The following MYMK variants were observed in gnomAD, a reference collection of about 807,000 sequenced individuals.
The protein encoded by MYMK is protein myomaker.
In MYMK, 16 loss-of-function variants were observed where a neutral mutation model predicts 22.4. The ratio of observed to expected loss-of-function variants is 0.72; its 90% CI spans 0.48 to 1.09. MYMK has a LOEUF of 1.09. MYMK is among the 50% of genes least tolerant of loss of function. The pLI is 0.00. For missense variants in MYMK, 250 were observed against 295.6 expected, an observed-to-expected ratio of 0.85 and a Z score of 1.13; for synonymous variants, 125 against 127.0, an observed-to-expected ratio of 0.98 and a Z score of 0.11.
At position 133,524,834 on chromosome 9, in the gene MYMK, A is replaced by T. The variant is rs775337027; in HGVS notation, c.11T>A (p.Leu4Gln). 1.9e-6 allele frequency: 3 copies of T among 1,610,500 alleles called. No individual in the cohort carries two copies. Among genetic ancestry groups the T allele is most frequent in the Non-Finnish European group, 2.5e-6 (3 of 1,178,228 alleles). Residue 4 changes from leucine to glutamine, a missense_variant, in exon 1 of 5, where the codon CTG becomes CAG. Physicochemically the swap from Leu to Gln is moderately radical, Grantham distance 113. Coordinates refer to ENST00000339996, the MANE Select transcript of MYMK (RefSeq NM_001080483.3). ...GGTGGGCAGGAGCAGCTTGGCCACCAGCGTCCCCATGGGCCAGGAGGAAAG... is the reference window on the plus strand; with the variant it reads ...GGTGGGCAGGAGCAGCTTGGCCACCTGCGTCCCCATGGGCCAGGAGGAAAG... MGT[L>Q]VAKLLLPTLS...
chr9:133,515,149 T>C lies in MYMK; in HGVS notation c.516+342A>G. Among the ~76,000 whole-genome samples the C allele has an allele frequency of 6.6e-6, 1 of 150,408 alleles. No homozygotes were observed. The highest frequency in any genetic ancestry group is 1.5e-5 in the Non-Finnish European group (1 of 67,606). On this transcript the variant is annotated intron_variant, in intron 4 of 4. Transcript: ENST00000339996. The surrounding 1 kb of genome is among the most constrained non-coding windows in gnomAD (Gnocchi z 5.8). ...CTCCTCCACTTTCTCCCTCCTTCCT[T>C]CCCTGTCTCCTCCCCTCCCTCCCTC... is the stretch of plus-strand genomic sequence containing the variant.
At chr9:133,520,077 T>C (rs1564484935) in intron 2 of MYMK, 97 bp downstream of exon 2, 2 of 867,378 alleles carry the variant, frequency 2.3e-6, no homozygotes, top group East Asian at 2.5e-5. Context: ...TGAGTGGGGA[T>C]AGAGGGCTGC....
At chr9:133,524,661 C>T (rs1363688402) in intron 1 of MYMK, 49 bp downstream of exon 1, 2 of 1,613,468 alleles carry the variant, frequency 1.2e-6, no homozygotes, top group Admixed American at 1.7e-5. Flanking sequence ...CTCTCCTCTA[C>T]CTCCAGGATG....
At chr9:133,519,678 G>A (rs1199626923) in intron 2 of MYMK, among the ~76,000 whole-genome samples, 1 of 152,166 alleles carries the variant, frequency 6.6e-6, no homozygotes, top group Non-Finnish European at 1.5e-5. Context: ...CGGTTAGATG[G>A]CAAGGAGCCT....
chr9:133,522,418 G>A (rs762860602), intron 1 of MYMK, among the ~76,000 whole-genome samples: 2 of 152,196 alleles, frequency 1.3e-5, no homozygotes, highest in East Asian at 1.9e-4. Flanking sequence ...CAAGGTGTCC[G>A]GCACAGAGAT....
At chr9:133,524,425 G>A (rs536952228) in intron 1 of MYMK, among the ~76,000 whole-genome samples, 9 of 152,248 alleles carry the variant, frequency 5.9e-5, no homozygotes, top group Non-Finnish European at 1.3e-4. Flanking sequence ...CACGCTGGAA[G>A]GGTTTATCCT....
intron 3 of MYMK, among the ~76,000 whole-genome samples, chr9:133,516,076 A>G (rs563917378): frequency 1.3e-4 from 20 of 152,312 alleles, no homozygotes; most frequent in Admixed American, 1.3e-3. Flanking sequence ...TTCCTAGTTA[A>G]AGGACCTATC....
intron 1 of MYMK, among the ~76,000 whole-genome samples, chr9:133,522,795 C>A (rs1564485751): frequency 6.6e-6 from 1 of 152,246 alleles, no homozygotes; most frequent in Non-Finnish European, 1.5e-5. Flanking sequence ...GGCTTCCTAG[C>A]CCTAGCCCAG....
At chr9:133,520,034 C>T (rs529753427) in intron 2 of MYMK, 140 bp downstream of exon 2, 2 of 626,264 alleles carry the variant, frequency 3.2e-6, no homozygotes, top group Non-Finnish European at 5.7e-6. Flanking sequence ...ACCCTGAAAC[C>T]CAGACAAGGG....
In MYMK at chr9:133,518,927, C is replaced by T. The variant is rs764593649; in HGVS notation, c.346G>A (p.Gly116Arg). 5.6e-6 allele frequency: 9 copies of T among 1,613,814 alleles called. No individual in the cohort carries two copies. Among genetic ancestry groups the T allele is most frequent in the South Asian group, 3.3e-5 (3 of 91,062 alleles). Residue 116 changes from glycine (G) to arginine (R), a missense_variant, in exon 3 of 5, where the codon GGG becomes AGG. Coordinates refer to ENST00000339996, the MANE Select transcript of MYMK (RefSeq NM_001080483.3). Reference protein sequence around the residue: ...VRIYHDRWGYGVYSGPIGTAI... With the variant: ...VRIYHDRWGYRVYSGPIGTAI... ...GTGCCGATGGGGCCCGAGTACACCCCGTAGCCCCATCGGTCATGGTAGATC... is the reference window on the plus strand; with the variant it reads ...GTGCCGATGGGGCCCGAGTACACCCTGTAGCCCCATCGGTCATGGTAGATC...
chr9:133,522,260 C>T (rs541372771), intron 1 of MYMK, among the ~76,000 whole-genome samples: 1 of 150,298 alleles, frequency 6.7e-6, no homozygotes, highest in African/African-American at 2.5e-5. Flanking sequence ...GTGGGTGCGG[C>T]TGAGGGCCTG....
chr9:133,518,992 G>T lies in MYMK; in HGVS notation c.281C>A (p.Ser94Ter). ...ALADFDEPKR[S>*]TFVMFGVLTI... ...CAGGACGCCGAACATCACAAATGTT[G>T]ACCTCTTGGGTTCGTCGAAGTCGGC... is the stretch of plus-strand genomic sequence containing the variant. Residue 94 changes from serine to a stop codon, truncating the protein, a stop_gained, in exon 3 of 5, where the codon TCA (serine) becomes TAA (stop). Transcript: ENST00000339996. LOFTEE classifies it high-confidence loss of function. The T allele has an allele frequency of 6.2e-7, 1 of 1,613,972 alleles. No individual in the cohort carries two copies. Among genetic ancestry groups the T allele is most frequent in the Non-Finnish European group, 8.5e-7 (1 of 1,180,018 alleles).
At chr9:133,522,281 G>A (rs551440518) in intron 1 of MYMK, among the ~76,000 whole-genome samples, 27 of 151,054 alleles carry the variant, frequency 1.8e-4, no homozygotes, top group East Asian at 5.9e-4. Context: ...GGGGGTCAGA[G>A]CTCAGGCTCG....
At chr9:133,517,912 C>T (rs765832083) in intron 3 of MYMK, among the ~76,000 whole-genome samples, 8 of 152,210 alleles carry the variant, frequency 5.3e-5, no homozygotes, top group African/African-American at 9.6e-5. Flanking sequence ...GGGTGTCCTG[C>T]GGCTCTGGCC....
At chr9:133,520,134 C>T in intron 2 of MYMK, 40 bp downstream of exon 2, 1 of 1,550,954 alleles carries the variant, frequency 6.4e-7, no homozygotes, top group South Asian at 1.1e-5. Flanking sequence ...GGGAGCCGGT[C>T]CTTGTCCGCA....
chr9:133,524,382 G>A (rs918660223), intron 1 of MYMK, among the ~76,000 whole-genome samples: 3 of 152,214 alleles, frequency 2.0e-5, no homozygotes, highest in African/African-American at 4.8e-5. Flanking sequence ...ATGGGCAGCC[G>A]TGGGGGCTTT....
In MYMK at chr9:133,515,515, G is replaced by A. The variant is rs1452916308; in HGVS notation, c.492C>T (p.Ala164=). ...IGPGLCFGAL[A]LMLRFFFEDW... ...CCTCAAAGAAGAAGCGTAGCATCAG[G>A]GCCAGCGCCCCGAAGCAGAGGCCGG... Residue 164 remains alanine, a synonymous_variant, in exon 4 of 5, where the codon GCC becomes GCT. Transcript: ENST00000339996. The surrounding 1 kb of genome is among the most constrained non-coding windows in gnomAD (Gnocchi z 5.8). The A allele has an allele frequency of 1.2e-6, 2 of 1,613,374 alleles. No homozygotes were observed. The highest frequency in any genetic ancestry group is 2.7e-5 in the African/African-American group (2 of 74,910).
At position 133,515,358 on chromosome 9, in the gene MYMK, G is replaced by A. The variant is rs942041639; in HGVS notation, c.516+133C>T. ...TAGCCCTGGGAGGGGCTAGTGAGCA[G>A]GGACTAATACCAGACTTTGGCCTGG... is the stretch of plus-strand genomic sequence containing the variant. On this transcript the variant is annotated intron_variant, in intron 4 of 4. Transcript: ENST00000339996. The surrounding 1 kb of genome is among the most constrained non-coding windows in gnomAD (Gnocchi z 5.8). 5.9e-6 allele frequency: 4 copies of A among 679,654 alleles called. No individual in the cohort carries two copies. The African/African-American group carries it at 7.2e-5, about 12-fold the overall frequency. The allele number at this position is 679,654 out of a possible 1,614,324, so 42.1% of individuals were successfully genotyped here.
Position 133,521,422 on chromosome 9 carries a change from G to C in MYMK, c.136-1134C>G, listed in dbSNP as rs190055047. 4.2e-3 allele frequency among the ~76,000 whole-genome samples: 645 copies of C among 152,202 alleles called. 5 individuals are homozygous for C. The highest frequency in any genetic ancestry group is 6.7e-3 in the Non-Finnish European group (455 of 68,016). The stretch of plus-strand genomic sequence containing the variant: ...CAGCACAGAGGGAGCGGGGGCCCTG[G>C]GTGATCTGGGGGGCAGGCAATTCGG... On this transcript the variant is annotated intron_variant, in intron 1 of 4. Coordinates refer to ENST00000339996, the MANE Select transcript of MYMK (RefSeq NM_001080483.3).
Sources: allele counts gnomAD v4.1 joint callset (sites outside exome capture counted in the v4.1 genomes callset), GRCh38; gene constraint gnomAD v4.1.1; non-coding constraint Gnocchi (gnomAD v3.1); transcripts MANE v1.5; gene names NCBI Gene and HGNC (gene_info 2026-07-23, HGNC 2026-07-21).